The following NAB1 variants were observed in gnomAD, a reference collection of about 807,000 sequenced individuals.
NAB1 encodes NGFI-A binding protein 1.
NAB1 carries 25 observed loss-of-function variants against 49.9 expected under a neutral mutation model. The observed-to-expected ratio is 0.50, with a 90% confidence interval of 0.37 to 0.70. The LOEUF (loss-of-function observed/expected upper bound fraction) is 0.70. Ranked by LOEUF, NAB1 falls within the 30% of genes least tolerant of loss-of-function variation. The pLI is 0.00. For missense variants in NAB1, 489 were observed against 575.9 expected (o/e 0.85, Z 1.54); for synonymous variants, 198 against 215.6 (o/e 0.92, Z 0.71).
chr2:190,668,231 C>A (rs1403365983), intron 4 of NAB1, among the ~76,000 whole-genome samples: 3 of 151,952 alleles, frequency 2.0e-5, no homozygotes, highest in Non-Finnish European at 4.4e-5. Context: ...ACCCTGTGAC[C>A]TAACTGGTCT....
At chr2:190,668,996 C>G (rs1694666757) in intron 4 of NAB1, among the ~76,000 whole-genome samples, 1 of 152,202 alleles carries the variant, frequency 6.6e-6, no homozygotes, top group African/African-American at 2.4e-5. Flanking sequence ...CATTACTGCT[C>G]TTGCACTTTG....
chr2:190,658,821 A>G (rs1165419494), intron 3 of NAB1, among the ~76,000 whole-genome samples: 1 of 152,256 alleles, frequency 6.6e-6, no homozygotes, highest in African/African-American at 2.4e-5. Flanking sequence ...AAATTTGACT[A>G]TCTTTCACTC....
rs1303343801 is a variant in NAB1, at chr2:190,690,991, TGAGTG to T, written c.*662_*666del. ...AATGCACGTTTACACAATAAATACT[TGAGTG>T]GAGGAAAGTTAAAAAGATGAGCAAT... On this transcript the variant is annotated 3_prime_UTR_variant, in exon 10 of 10. Coordinates refer to ENST00000337386, the MANE Select transcript of NAB1 (RefSeq NM_005966.4). 1 of 152,548 alleles carries T rather than the reference TGAGTG, an allele frequency of 6.6e-6. No homozygotes were observed. Among genetic ancestry groups the T allele is most frequent in the Non-Finnish European group, 1.5e-5 (1 of 67,976 alleles). The allele number at this position is 152,548 out of a possible 1,614,324, so 9.4% of individuals were successfully genotyped here.
intron 4 of NAB1, among the ~76,000 whole-genome samples, chr2:190,668,839 G>C (rs1294812603): frequency 6.6e-6 from 1 of 152,158 alleles, no homozygotes; most frequent in African/African-American, 2.4e-5. Context: ...GCCTGAAACT[G>C]CAAATGGTAC....
chr2:190,671,582 A>T (rs1043859744), intron 5 of NAB1, among the ~76,000 whole-genome samples: 2 of 151,594 alleles, frequency 1.3e-5, no homozygotes, highest in East Asian at 1.9e-4. Context: ...TGAGTACTTT[A>T]TTTAAATAAT....
rs78906139 is a variant in NAB1 at position 190,657,089 on chromosome 2, G to T, written c.-20+936G>T. On this transcript the variant is annotated intron_variant, in intron 3 of 9. Coordinates refer to ENST00000337386, the MANE Select transcript of NAB1 (RefSeq NM_005966.4). This position sits in a 1 kb window ranked among gnomAD's most constrained non-coding sequence, Gnocchi z 4.4. Reference sequence around the variant, plus strand: ...GAAAGCCTATGGAGGAATTGCACGAGGTGTATGATAGGAAAGTAAATGTCC... The same window carrying T: ...GAAAGCCTATGGAGGAATTGCACGATGTGTATGATAGGAAAGTAAATGTCC... Among the ~76,000 whole-genome samples the T allele has an allele frequency of 7.2e-5, 11 of 152,184 alleles. No individual in the cohort carries two copies. Among genetic ancestry groups the T allele is most frequent in the Non-Finnish European group, 1.6e-4 (11 of 67,994 alleles).
At chr2:190,656,369 T>C (rs1367666769) in intron 3 of NAB1, among the ~76,000 whole-genome samples, 2 of 152,192 alleles carry the variant, frequency 1.3e-5, no homozygotes, top group Non-Finnish European at 2.9e-5. Flanking sequence ...ATCAAGTTCA[T>C]GTATGAAGGG....
rs562787890 is a variant in NAB1 at position 190,671,690 on chromosome 2, G to A, written c.953+1231G>A. Among the ~76,000 whole-genome samples, 448 of 149,742 alleles carry A rather than the reference G, an allele frequency of 3.0e-3. 3 individuals are homozygous for A. Among genetic ancestry groups the A allele is most frequent in the Non-Finnish European group, 4.8e-3 (324 of 67,696 alleles). On this transcript the variant is annotated intron_variant, in intron 5 of 9. Transcript: ENST00000337386. ...AACGGTTCCTGTGCTCTGCCTTCCCGCTTCTCAGTTCCATGTTCCAGAGGC... is the reference window on the plus strand; with the variant it reads ...AACGGTTCCTGTGCTCTGCCTTCCCACTTCTCAGTTCCATGTTCCAGAGGC...
chr2:190,657,791 A>G lies in NAB1; in HGVS notation c.-19-1367A>G, dbSNP rs937739883. Reference sequence around the variant, plus strand: ...CATTCTGATTGGTGGCATAAAACAAAAGTCCCAAGTTCAGTGACTTCTTGG... The same window carrying G: ...CATTCTGATTGGTGGCATAAAACAAGAGTCCCAAGTTCAGTGACTTCTTGG... On this transcript the variant is annotated intron_variant, in intron 3 of 9. Transcript: ENST00000337386. The surrounding 1 kb of genome is among the most constrained non-coding windows in gnomAD (Gnocchi z 4.4). 1.3e-5 allele frequency among the ~76,000 whole-genome samples: 2 copies of G among 152,202 alleles called. No individual in the cohort carries two copies. The highest frequency in any genetic ancestry group is 4.8e-5 in the African/African-American group (2 of 41,442).
Position 190,689,204 on chromosome 2 carries a change from G to A in NAB1, c.1376-1041G>A, listed in dbSNP as rs1163978805. Reference sequence around the variant, plus strand: ...AAGCCTGGGTCCAGATCTTAGCACCGATACTTGACTGAGTGACCCTGACTG... The same window carrying A: ...AAGCCTGGGTCCAGATCTTAGCACCAATACTTGACTGAGTGACCCTGACTG... On this transcript the variant is annotated intron_variant, in intron 9 of 9. Transcript: ENST00000337386. The surrounding 1 kb of genome is among the most constrained non-coding windows in gnomAD (Gnocchi z 4.3). 3.3e-5 allele frequency among the ~76,000 whole-genome samples: 5 copies of A among 152,064 alleles called. No individual in the cohort carries two copies. The highest frequency in any genetic ancestry group is 5.9e-5 in the Non-Finnish European group (4 of 68,004).
At chr2:190,672,915 G>T (rs1172528968) in intron 5 of NAB1, among the ~76,000 whole-genome samples, 186 bp from the exon 6 acceptor site, 1 of 152,028 alleles carries the variant, frequency 6.6e-6, no homozygotes, top group Non-Finnish European at 1.5e-5. Flanking sequence ...CCTTCCCCTA[G>T]TGTTAACTTG....
chr2:190,690,887 T>C lies in NAB1; in HGVS notation c.*554T>C, dbSNP rs915063083. 2.0e-5 allele frequency: 3 copies of C among 152,480 alleles called. No homozygotes were observed. Among genetic ancestry groups the C allele is most frequent in the Non-Finnish European group, 2.9e-5 (2 of 68,004 alleles). The allele number at this position is 152,480 out of a possible 1,614,324, so 9.4% of individuals were successfully genotyped here. A position where few individuals can be genotyped will look rare whatever the true frequency, so the allele number is the denominator to read the frequency against. On this transcript the variant is annotated 3_prime_UTR_variant, in exon 10 of 10. Transcript: ENST00000337386. ...TACTCAGTTTAAGCCAAGGAAAATATTGTGGATTTAATATTTGATAAAACT... is the reference window on the plus strand; with the variant it reads ...TACTCAGTTTAAGCCAAGGAAAATACTGTGGATTTAATATTTGATAAAACT...
At chr2:190,671,862 A>C (rs1371056541) in intron 5 of NAB1, among the ~76,000 whole-genome samples, 2 of 129,960 alleles carry the variant, frequency 1.5e-5, no homozygotes, top group African/African-American at 6.0e-5. Flanking sequence ...TGCAACCTCC[A>C]CCTCCTGGGT....
chr2:190,683,783 C>G lies in NAB1; in HGVS notation c.1051C>G (p.Gln351Glu). The G allele has an allele frequency of 6.2e-7, 1 of 1,613,792 alleles. No homozygotes were observed. Among genetic ancestry groups the G allele is most frequent in the East Asian group, 2.2e-5 (1 of 44,858 alleles). Reference protein sequence around the residue: ...FQDSVQTLFQQARAKSEELAA... With the variant: ...FQDSVQTLFQEARAKSEELAA... ...GGATTCTGTGCAAACACTCTTCCAG[C>G]AGGCTAGAGCTAAGAGTGAAGAACT... The change falls in exon 7 of 10, where the codon CAG (glutamine) becomes GAG (glutamate). Residue 351 changes from glutamine to glutamate, a missense_variant. Transcript: ENST00000337386.
At position 190,691,555 on chromosome 2, in the gene NAB1, G is replaced by T. The variant is rs749425339; in HGVS notation, c.*1222G>T. On this transcript the variant is annotated 3_prime_UTR_variant, in exon 10 of 10. Coordinates refer to ENST00000337386, the MANE Select transcript of NAB1 (RefSeq NM_005966.4). The surrounding 1 kb of genome is among the most constrained non-coding windows in gnomAD (Gnocchi z 4.1). ...TAATGGACCATGTGCATATATATGG[G>T]AGTGTGCTTACATGTTAATAATTTA... The T allele has an allele frequency of 6.6e-6, 1 of 152,100 alleles. No individual in the cohort carries two copies. Among genetic ancestry groups the T allele is most frequent in the Non-Finnish European group, 1.5e-5 (1 of 67,992 alleles). 9.4% of individuals were successfully genotyped at this position (152,100 alleles called of 1,614,324 possible).
intron 3 of NAB1, among the ~76,000 whole-genome samples, chr2:190,658,399 G>C (rs1368053557): frequency 1.3e-5 from 2 of 152,156 alleles, no homozygotes; most frequent in African/African-American, 4.8e-5. Flanking sequence ...TGAACTCTCA[G>C]ATGTAATCTC....
rs932167588 is a variant in NAB1 at position 190,674,278 on chromosome 2, C to G, written c.1005+1126C>G. The stretch of plus-strand genomic sequence containing the variant: ...CCACACTCTCCATTCTTACTGTGTT[C>G]CAGCCGCACTGACTGACTTTCTGTT... On this transcript the variant is annotated intron_variant, in intron 6 of 9. Transcript: ENST00000337386. The surrounding 1 kb of genome is among the most constrained non-coding windows in gnomAD (Gnocchi z 5.7). Among the ~76,000 whole-genome samples the G allele has an allele frequency of 1.3e-5, 2 of 152,144 alleles. No individual in the cohort carries two copies. Among genetic ancestry groups the G allele is most frequent in the African/African-American group, 2.4e-5 (1 of 41,426 alleles).
chr2:190,659,398 C>T lies in NAB1; in HGVS notation c.222C>T (p.Asp74=). ...HVRRLQKALR[D]WVTNPGLFNQ... Reference sequence around the variant, plus strand: ...GAAGGCTGCAGAAGGCTTTGAGAGACTGGGTCACAAACCCTGGGCTTTTCA... The same window carrying T: ...GAAGGCTGCAGAAGGCTTTGAGAGATTGGGTCACAAACCCTGGGCTTTTCA... Residue 74 remains aspartate, a synonymous_variant, in exon 4 of 10, where the codon GAC becomes GAT. Transcript: ENST00000337386. This position sits in a 1 kb window ranked among gnomAD's most constrained non-coding sequence, Gnocchi z 6.2. 1 of 1,614,180 alleles carries T rather than the reference C, an allele frequency of 6.2e-7. No individual in the cohort carries two copies. Among genetic ancestry groups the T allele is most frequent in the Non-Finnish European group, 8.5e-7 (1 of 1,180,034 alleles).
intron 4 of NAB1, among the ~76,000 whole-genome samples, chr2:190,664,354 T>C (rs1475255290): frequency 6.6e-6 from 1 of 151,868 alleles, no homozygotes; most frequent in African/African-American, 2.4e-5. Context: ...TATATCTTTT[T>C]TTTTTTTGGA....
Sources: gnomAD v4.1 joint callset for allele counts (sites outside exome capture counted in the v4.1 genomes callset) on GRCh38, gnomAD v4.1.1 for gene constraint, Gnocchi (gnomAD v3.1) non-coding constraint, MANE v1.5 for transcripts, NCBI Gene and HGNC (gene_info 2026-07-23, HGNC 2026-07-21) for gene names.